Variants in HBP1 observed in about 807,000 individuals in gnomAD.
HBP1 encodes HMG-box transcription factor 1.
Under a neutral mutation model 62.6 loss-of-function variants are expected in HBP1, and 20 were observed. That is an observed-to-expected ratio of 0.32 (90% CI 0.22 to 0.46). The LOEUF is 0.46. Among genes scored for constraint, HBP1 ranks in the 20% least tolerant of loss-of-function variants. The probability of loss-of-function intolerance (pLI) is 1.00; values close to 1 mark genes in which losing one functional copy is unlikely to be tolerated. For synonymous variants in HBP1, 232 were observed against 206.2 expected (o/e 1.12, Z -1.07); for missense variants, 480 against 611.8 (o/e 0.78, Z 2.27).
chr7:107,196,206 C>T (rs1797890294), intron 9 of HBP1, 55 bp downstream of exon 9: 3 of 975,778 alleles, frequency 3.1e-6, no homozygotes, highest in South Asian at 2.6e-5. Context: ...CAATACGGTT[C>T]ATGGTAACTG....
intron 6 of HBP1, among the ~76,000 whole-genome samples, chr7:107,187,237 G>A (rs1797428270): frequency 6.6e-6 from 1 of 151,034 alleles, no homozygotes; most frequent in African/African-American, 2.4e-5. Flanking sequence ...TGGCAACACA[G>A]TGAGACTCTG....
In HBP1 at chr7:107,202,127, G is replaced by A. The variant is rs887789551; in HGVS notation, c.*696G>A. On this transcript the variant is annotated 3_prime_UTR_variant, in exon 11 of 11. Coordinates refer to ENST00000222574, the MANE Select transcript of HBP1 (RefSeq NM_012257.4). ...AGGTAAAGTTAGTTAATAGCATTGG[G>A]ATATAGTCACTGTAATGGTGCTATT... 6.6e-6 allele frequency: 1 copy of A among 152,660 alleles called. No homozygotes were observed. Among genetic ancestry groups the A allele is most frequent in the Admixed American group, 6.5e-5 (1 of 15,286 alleles). The allele number at this position is 152,660 out of a possible 1,614,324, so 9.5% of individuals were successfully genotyped here.
chr7:107,184,975 C>G (rs929175642), intron 3 of HBP1, among the ~76,000 whole-genome samples: 5 of 152,198 alleles, frequency 3.3e-5, no homozygotes, highest in African/African-American at 9.6e-5. Context: ...TGCTTCCTTT[C>G]CAGACTGCTG....
rs761362402 is a variant in HBP1, at chr7:107,186,460, T to G, written c.640T>G (p.Cys214Gly). The change falls in exon 5 of 11, where the codon TGT becomes GGT. Residue 214 changes from cysteine to glycine, a missense_variant. This residue lies in a region of HBP1 where 304 missense variants were observed against 330.9 expected (regional missense o/e 0.92). Coordinates refer to ENST00000222574, the MANE Select transcript of HBP1 (RefSeq NM_012257.4). The part of the protein sequence containing the change: ...CNSWPSTVWH[C>G]FLKGTRLCFH... ...TTCCTGGCCTTCAACTGTCTGGCAC[T>G]GTTTTTTGAAAGGTAAAACAAACAA... 1.2e-6 allele frequency: 2 copies of G among 1,608,984 alleles called. No homozygotes were observed. The highest frequency in any genetic ancestry group is 1.7e-6 in the Non-Finnish European group (2 of 1,176,166).
intron 1 of HBP1, chr7:107,169,755 TG>T: frequency 1.0e-6 from 1 of 974,430 alleles, no homozygotes. Context: ...GCCTGCGCGC[TG>T]GGGCTGAGCC....
chr7:107,183,259 G>A (rs1358620383), intron 3 of HBP1, among the ~76,000 whole-genome samples: 2 of 152,146 alleles, frequency 1.3e-5, no homozygotes, highest in Non-Finnish European at 2.9e-5. Context: ...GGAGAGAAAT[G>A]CCCATATTTG....
At chr7:107,186,518 C>A in intron 5 of HBP1, 46 bp downstream of exon 5, 1 of 1,562,598 alleles carries the variant, frequency 6.4e-7, no homozygotes, top group Non-Finnish European at 8.8e-7. Flanking sequence ...CCACAGCTTA[C>A]TTGTCTAGTA....
chr7:107,189,516 G>C, intron 7 of HBP1, 68 bp downstream of exon 7: 1 of 1,242,434 alleles, frequency 8.0e-7, no homozygotes, highest in East Asian at 2.4e-5. Flanking sequence ...AATTATGTCT[G>C]TAGCTTTGAT....
At chr7:107,181,911 C>T (rs1797123802) in intron 2 of HBP1, among the ~76,000 whole-genome samples, 1 of 151,672 alleles carries the variant, frequency 6.6e-6, no homozygotes, top group East Asian at 1.9e-4. Flanking sequence ...AAAAAATAAC[C>T]GATAAATAAC....
intron 9 of HBP1, among the ~76,000 whole-genome samples, chr7:107,197,663 C>G (rs904282658): frequency 3.3e-5 from 5 of 152,286 alleles, no homozygotes; most frequent in Admixed American, 6.5e-5. Flanking sequence ...AGCCACGGGC[C>G]CAGCGCTAAG....
At chr7:107,170,484 TC>T (rs199976745) in intron 1 of HBP1, among the ~76,000 whole-genome samples, 1,655 of 152,304 alleles carry the variant, frequency 0.011, 25 homozygotes, top group African/African-American at 0.037. Context: ...GGTCATCTGT[TC>T]AGTTGCCTTG....
intron 8 of HBP1, among the ~76,000 whole-genome samples, chr7:107,194,096 A>T (rs992130535): frequency 2.6e-5 from 4 of 152,212 alleles, no homozygotes; most frequent in African/African-American, 9.7e-5. Flanking sequence ...TGCTTACCTA[A>T]GGTAGTATAG....
At chr7:107,176,011 C>T (rs1796831517) in intron 1 of HBP1, among the ~76,000 whole-genome samples, 1 of 145,178 alleles carries the variant, frequency 6.9e-6, no homozygotes, top group African/African-American at 2.5e-5. Context: ...CCACCGCACC[C>T]GGCTTTTTTT....
chr7:107,198,931 A>G (rs1053806812), intron 9 of HBP1, among the ~76,000 whole-genome samples: 10 of 152,310 alleles, frequency 6.6e-5, no homozygotes, highest in African/African-American at 2.2e-4. Flanking sequence ...CCCCTTCAAA[A>G]ACATCTCATG....
Position 107,195,850 on chromosome 7 carries a change from A to G in HBP1, c.1084A>G (p.Met362Val). The stretch of plus-strand genomic sequence containing the variant: ...ATTTTATAGCTATGACTTCACACCT[A>G]TGGATTCTTCTGCAGTTTATGTGTT... ...DTFKSYDFTP[M>V]DSSAVYVLSS... The change falls in exon 9 of 11, where the codon ATG becomes GTG. Residue 362 changes from methionine (M) to valine (V), a missense_variant. Transcript: ENST00000222574. 6.3e-7 allele frequency: 1 copy of G among 1,585,638 alleles called. No homozygotes were observed. Among genetic ancestry groups the G allele is most frequent in the Non-Finnish European group, 8.7e-7 (1 of 1,155,362 alleles).
Position 107,171,075 on chromosome 7 carries a change from T to TA in HBP1, c.-16+1890_-16+1891insA, listed in dbSNP as rs1331160955. Among the ~76,000 whole-genome samples, 230 of 73,484 alleles carry TA rather than the reference T, an allele frequency of 3.1e-3. 14 individuals are homozygous for TA. Among genetic ancestry groups the TA allele is most frequent in the South Asian group, 7.9e-3 (21 of 2,664 alleles). The allele number at this position is 73,484 out of a possible 152,430, so 48.2% of individuals were successfully genotyped here. A position where few individuals can be genotyped will look rare whatever the true frequency, so the allele number is the denominator to read the frequency against. ...TATATATATATATATATATATATAT[T>TA]TTTTTTTTTTTTTGAGAGGGAGTCT... On this transcript the variant is annotated intron_variant, in intron 1 of 10. Transcript: ENST00000222574.
At chr7:107,186,184 G>GTTTTTTTTTTTCT (rs1797366461) in intron 4 of HBP1, among the ~76,000 whole-genome samples, 177 bp from the exon 5 acceptor site, 1 of 86,206 alleles carries the variant, frequency 1.2e-5, no homozygotes, top group Non-Finnish European at 2.6e-5. Context: ...TTTTTTTTTA[G>GTTTTTTTTTTTCT]CAAATTCTCC....
At chr7:107,182,656 T>C in intron 3 of HBP1, 55 bp downstream of exon 3, 1 of 976,838 alleles carries the variant, frequency 1.0e-6, no homozygotes, top group Non-Finnish European at 1.5e-6. Flanking sequence ...ACAAAGGTTT[T>C]ATTTAAAAAT....
At chr7:107,182,264 C>T (rs988658347) in intron 2 of HBP1, 109 bp from the exon 3 acceptor site, 2 of 638,926 alleles carry the variant, frequency 3.1e-6, no homozygotes, top group Admixed American at 2.8e-5. Context: ...ATTTTCCTCT[C>T]TCAAAATTAA....
Sources: gnomAD v4.1 joint callset for allele counts (sites outside exome capture counted in the v4.1 genomes callset) on GRCh38, gnomAD v4.1.1 for gene constraint, gnomAD v4.1.1 regional missense constraint, MANE v1.5 for transcripts, NCBI Gene and HGNC (gene_info 2026-07-23, HGNC 2026-07-21) for gene names.